The following PGRMC2 variants were observed in gnomAD, a reference collection of about 807,000 sequenced individuals.
The protein encoded by PGRMC2 is membrane-associated progesterone receptor component 2.
PGRMC2 carries 9 observed loss-of-function variants against 19.3 expected under a neutral mutation model. That is an observed-to-expected ratio of 0.47 (90% CI 0.28 to 0.81). PGRMC2 has a LOEUF of 0.81. Among genes scored for constraint, PGRMC2 ranks in the 40% least tolerant of loss-of-function variants. PGRMC2 has a pLI of 0.11. For synonymous variants in PGRMC2, 157 were observed against 124.6 expected (o/e 1.26, Z -1.73); for missense variants, 289 against 297.3 (o/e 0.97, Z 0.21).
In PGRMC2 at chr4:128,287,660, G is replaced by A; in HGVS notation, c.131C>T (p.Ala44Val). 1.3e-6 allele frequency: 2 copies of A among 1,530,746 alleles called. No individual in the cohort carries two copies. Among genetic ancestry groups the A allele is most frequent in the Non-Finnish European group, 1.8e-6 (2 of 1,142,336 alleles). 94.8% of individuals were successfully genotyped at this position (1,530,746 alleles called of 1,614,324 possible). Reference sequence around the variant, plus strand: ...CCCGCCCCCCGTCAGAAGCGCCAACGCCGCCGCCGCCCAGCCTCCCCCTTC... The same window carrying A: ...CCCGCCCCCCGTCAGAAGCGCCAACACCGCCGCCGCCCAGCCTCCCCCTTC... Reference protein sequence around the residue: ...AAEGGGWAAAALALLTGGGEM... With the variant: ...AAEGGGWAAAVLALLTGGGEM... The change falls in exon 1 of 3, where the codon GCG becomes GTG. Residue 44 changes from alanine (A) to valine (V), a missense_variant. By Grantham distance (64) the Ala-to-Val change is moderately conservative. Transcript: ENST00000296425.
At chr4:128,283,821 C>G (rs1056845154) in intron 1 of PGRMC2, among the ~76,000 whole-genome samples, 3 of 152,088 alleles carry the variant, frequency 2.0e-5, no homozygotes, top group Non-Finnish European at 4.4e-5. Flanking sequence ...TCAAGCTCAG[C>G]TAATTTTTTT....
intron 1 of PGRMC2, among the ~76,000 whole-genome samples, chr4:128,280,833 A>G (rs1295378288): frequency 1.3e-5 from 2 of 152,138 alleles, no homozygotes; most frequent in East Asian, 1.9e-4. Context: ...TGCTGGGCTC[A>G]AGCAGTCCTC....
intron 1 of PGRMC2, among the ~76,000 whole-genome samples, chr4:128,285,218 C>G (rs918752990): frequency 9.2e-5 from 14 of 152,248 alleles, no homozygotes; most frequent in Admixed American, 7.8e-4. Context: ...CCCCACCTCC[C>G]GGGTTCCAGC....
At chr4:128,281,034 C>T (rs1193047606) in intron 1 of PGRMC2, among the ~76,000 whole-genome samples, 1 of 151,940 alleles carries the variant, frequency 6.6e-6, no homozygotes, top group Admixed American at 6.6e-5. Flanking sequence ...AAATGAGATG[C>T]AAGAAACAAC....
chr4:128,277,130 C>T (rs1277751390), intron 1 of PGRMC2, among the ~76,000 whole-genome samples: 1 of 151,996 alleles, frequency 6.6e-6, no homozygotes, highest in Non-Finnish European at 1.5e-5. Context: ...GCACACCAGC[C>T]TAGGCGACAG....
At chr4:128,284,715 C>A (rs1385124034) in intron 1 of PGRMC2, among the ~76,000 whole-genome samples, 1 of 152,156 alleles carries the variant, frequency 6.6e-6, no homozygotes, top group Admixed American at 6.5e-5. Context: ...GGCATAGAAA[C>A]TAACAATTAC....
intron 1 of PGRMC2, chr4:128,286,878 C>CAAA (rs34546633): frequency 1.9e-4 from 62 of 328,714 alleles, no homozygotes; most frequent in East Asian, 2.5e-4. Context: ...AGATCAGTGG[C>CAAA]AAAAAAAAAA....
intron 1 of PGRMC2, 131 bp downstream of exon 1, chr4:128,287,242 G>T (rs1172555751): frequency 5.7e-6 from 6 of 1,056,276 alleles, no homozygotes; most frequent in Non-Finnish European, 8.0e-6. Context: ...CCCAGGTGCG[G>T]CGGCCGAGGC....
At chr4:128,274,482 G>T (rs1760776473) in intron 1 of PGRMC2, among the ~76,000 whole-genome samples, 1 of 143,384 alleles carries the variant, frequency 7.0e-6, no homozygotes, top group Non-Finnish European at 1.5e-5. Context: ...CTGCACTACG[G>T]CCTGGCCGAG....
At chr4:128,280,333 A>ATT in intron 1 of PGRMC2, among the ~76,000 whole-genome samples, 1 of 139,436 alleles carries the variant, frequency 7.2e-6, no homozygotes, top group Non-Finnish European at 1.5e-5. Flanking sequence ...AGAGGCAATA[A>ATT]GTAACAGCAA....
intron 1 of PGRMC2, among the ~76,000 whole-genome samples, chr4:128,281,258 C>T (rs1396867664): frequency 6.6e-6 from 1 of 152,168 alleles, no homozygotes; most frequent in African/African-American, 2.4e-5. Context: ...GCAGGGGATA[C>T]TATCCATATT....
At chr4:128,272,210 T>G in intron 2 of PGRMC2, 152 bp downstream of exon 2, 1 of 486,234 alleles carries the variant, frequency 2.1e-6, no homozygotes, top group Non-Finnish European at 3.4e-6. Context: ...ATGTGCCACT[T>G]CACCCAGCTT....
At chr4:128,281,059 A>T (rs1252297090) in intron 1 of PGRMC2, among the ~76,000 whole-genome samples, 1 of 152,258 alleles carries the variant, frequency 6.6e-6, no homozygotes, top group Non-Finnish European at 1.5e-5. Flanking sequence ...AATTAAAAAA[A>T]TGATAACCAT....
chr4:128,275,892 A>G (rs1341401025), intron 1 of PGRMC2, among the ~76,000 whole-genome samples: 1 of 151,994 alleles, frequency 6.6e-6, no homozygotes, highest in Non-Finnish European at 1.5e-5. Context: ...GGCCTGCATA[A>G]TTTCTTTTAT....
At chr4:128,287,318 A>AG (rs1397218985) in intron 1 of PGRMC2, 55 bp downstream of exon 1, 1 of 1,542,972 alleles carries the variant, frequency 6.5e-7, no homozygotes, top group Non-Finnish European at 8.8e-7. Context: ...CCCTGTCCGA[A>AG]GGGGGTTGTG....
Position 128,272,481 on chromosome 4 carries a change from G to T in PGRMC2, c.455C>A (p.Ser152Tyr). 1 of 1,542,674 alleles carries T rather than the reference G, an allele frequency of 6.5e-7. No homozygotes were observed. Among genetic ancestry groups the T allele is most frequent in the Non-Finnish European group, 8.7e-7 (1 of 1,147,626 alleles). The change falls in exon 2 of 3, where the codon TCC (serine) becomes TAC (tyrosine). Residue 152 changes from serine (S) to tyrosine (Y), a missense_variant. Ser to Tyr is a moderately radical substitution (Grantham distance 144, BLOSUM62 -2). Transcript: ENST00000296425. ...TAGGCAAAATGTGGCCAGTCCTCTG[G>T]AGGCATCCCTACCAGCAAATATTCC... ...PYGIFAGRDA[S>Y]RGLATFCLDK...
chr4:128,282,954 T>A (rs969504720), intron 1 of PGRMC2, among the ~76,000 whole-genome samples: 4 of 152,214 alleles, frequency 2.6e-5, no homozygotes, highest in Admixed American at 1.3e-4. Context: ...CAGTGGAATT[T>A]AAAAGGTAAG....
At chr4:128,286,841 C>A in intron 1 of PGRMC2, 1 of 370,124 alleles carries the variant, frequency 2.7e-6, no homozygotes, top group East Asian at 3.8e-5. Flanking sequence ...CGTGGCCTTA[C>A]GGAGTAATAC....
chr4:128,269,820 T>A lies in PGRMC2; in HGVS notation c.*1496A>T, dbSNP rs543686542. ...TTAGTATCTATCAGTGCAATATTCT[T>A]TTACTGTTTTGTGTTCAATAACCAC... On this transcript the variant is annotated 3_prime_UTR_variant, in exon 3 of 3. Coordinates refer to ENST00000296425, the MANE Select transcript of PGRMC2 (RefSeq NM_006320.6). 6.6e-6 allele frequency: 1 copy of A among 152,334 alleles called. No individual in the cohort carries two copies. The highest frequency in any genetic ancestry group is 2.4e-5 in the African/African-American group (1 of 41,588). 9.4% of individuals were successfully genotyped at this position (152,334 alleles called of 1,614,324 possible).
Sources: gnomAD v4.1 joint callset for allele counts (sites outside exome capture counted in the v4.1 genomes callset) on GRCh38, gnomAD v4.1.1 for gene constraint, MANE v1.5 for transcripts, NCBI Gene and HGNC (gene_info 2026-07-23, HGNC 2026-07-21) for gene names.